FSHR: variants seen among roughly 807,000 people sequenced by gnomAD.
FSHR encodes the protein follicle stimulating hormone receptor, also known as follicle-stimulating hormone receptor.
Under a neutral mutation model 52.1 loss-of-function variants are expected in FSHR, and 46 were observed. That is an observed-to-expected ratio of 0.88 (90% confidence interval 0.70 to 1.13). FSHR has a LOEUF of 1.13. FSHR is among the 50% of genes most tolerant of loss of function. The pLI is 0.00. For synonymous variants in FSHR, 399 were observed against 309.6 expected, an observed-to-expected ratio of 1.29 and a Z score of -3.03; for missense variants, 964 against 834.6, an observed-to-expected ratio of 1.16 and a Z score of -1.91.
At chr2:49,130,758 G>T (rs1203346112) in intron 1 of FSHR, among the ~76,000 whole-genome samples, 1 of 152,122 alleles carries the variant, frequency 6.6e-6, no homozygotes, top group East Asian at 1.9e-4. Flanking sequence ...CAGTTGCTCT[G>T]AAATGTACTT....
Position 48,962,558 on chromosome 2 carries a change from A to G in FSHR, c.*175T>C. 3 of 633,324 alleles carry G rather than the reference A, an allele frequency of 4.7e-6. No individual in the cohort carries two copies. Among genetic ancestry groups the G allele is most frequent in the East Asian group, 5.5e-5 (2 of 36,262 alleles). The allele number at this position is 633,324 out of a possible 1,614,324, so 39.2% of individuals were successfully genotyped here. ...TTATTATTGTTGTTACTAATAATTC[A>G]GCTTCCTAATGTATCACATGGAATT... On this transcript the variant is annotated 3_prime_UTR_variant, in exon 10 of 10. Transcript: ENST00000406846.
chr2:49,043,735 T>G (rs1668561992), intron 2 of FSHR, among the ~76,000 whole-genome samples: 1 of 152,212 alleles, frequency 6.6e-6, no homozygotes, highest in Non-Finnish European at 1.5e-5. Flanking sequence ...TATTCCTGTT[T>G]GAACATTCAG....
chr2:49,053,446 T>A (rs1180751544), intron 2 of FSHR, among the ~76,000 whole-genome samples: 1 of 152,174 alleles, frequency 6.6e-6, no homozygotes, highest in Admixed American at 6.5e-5. Flanking sequence ...TTCAATGTAA[T>A]CTTCACACTT....
chr2:49,145,441 C>T (rs985651052), intron 1 of FSHR, among the ~76,000 whole-genome samples: 2 of 151,916 alleles, frequency 1.3e-5, no homozygotes, highest in Non-Finnish European at 2.9e-5. Context: ...CCTATATAGC[C>T]CCTGAAATCA....
rs565745010 is a variant in FSHR at position 48,989,045 on chromosome 2, T to C, written c.456A>G (p.Gln152=). The change falls in exon 6 of 10, where the codon CAA becomes CAG. Residue 152 remains glutamine, a synonymous_variant. Transcript: ENST00000406846. ...CAATTGTGTGGATGTTTATGTTATC[T>C]TGAATGTCACTAGAAGAAAGTACAG... The part of the protein sequence containing the change: ...HSLQKVLLDI[Q]DNINIHTIER... 1.2e-6 allele frequency: 2 copies of C among 1,613,064 alleles called. No individual in the cohort carries two copies. The highest frequency in any genetic ancestry group is 2.2e-5 in the South Asian group (2 of 91,004).
At chr2:48,966,224 G>A (rs1333709301) in intron 9 of FSHR, among the ~76,000 whole-genome samples, 1 of 152,170 alleles carries the variant, frequency 6.6e-6, no homozygotes, top group African/African-American at 2.4e-5. Context: ...GACAAATGAT[G>A]GTGGTTACTT....
At chr2:49,106,190 G>A (rs1480079381) in intron 1 of FSHR, among the ~76,000 whole-genome samples, 3 of 152,156 alleles carry the variant, frequency 2.0e-5, no homozygotes, top group Non-Finnish European at 2.9e-5. Flanking sequence ...TTTAAAAGGA[G>A]GCAAGCCTTA....
chr2:49,049,330 A>T (rs17038159), intron 2 of FSHR, among the ~76,000 whole-genome samples: 2,267 of 152,286 alleles, frequency 0.015, 45 homozygotes, highest in African/African-American at 0.047. Flanking sequence ...TAAAAGATAG[A>T]TAAGATGACC....
Position 49,020,167 on chromosome 2 carries a change from A to G in FSHR, c.225-7T>C. On this transcript the variant is annotated splice_region_variant and splice_polypyrimidine_tract_variant and intron_variant, in intron 2 of 9. Transcript: ENST00000406846. ...ATCATTCTGAGAGATCTCTCTGTGG[A>G]GAAAAAAATATATAAGTCAAGCCAG... 1 of 1,610,128 alleles carries G rather than the reference A, an allele frequency of 6.2e-7. No homozygotes were observed. Among genetic ancestry groups the G allele is most frequent in the Non-Finnish European group, 8.5e-7 (1 of 1,176,410 alleles).
chr2:48,988,921 G>T, intron 6 of FSHR, 56 bp downstream of exon 6: 1 of 1,430,090 alleles, frequency 7.0e-7, no homozygotes, highest in Non-Finnish European at 9.9e-7. Context: ...ATGAGAAAGA[G>T]ATCACTAAAT....
At position 49,046,140 on chromosome 2, in the gene FSHR, G is replaced by T. The variant is rs900395647; in HGVS notation, c.224+22079C>A. On this transcript the variant is annotated intron_variant, in intron 2 of 9. Coordinates refer to ENST00000406846, the MANE Select transcript of FSHR (RefSeq NM_000145.4). ...TTGTCCCAGCTGCTACTTAAAGGTT[G>T]GTGTGGGAGATTAATGAGCTAAGGG... Among the ~76,000 whole-genome samples the T allele has an allele frequency of 1.2e-4, 18 of 152,136 alleles. 1 individual carries two copies. The highest frequency in any genetic ancestry group is 2.6e-4 in the Non-Finnish European group (18 of 68,020).
intron 1 of FSHR, among the ~76,000 whole-genome samples, chr2:49,151,790 T>C (rs1322087520): frequency 6.6e-6 from 1 of 152,150 alleles, no homozygotes; most frequent in Non-Finnish European, 1.5e-5. Context: ...TCATCCCTGT[T>C]CTGCCATTTA....
intron 2 of FSHR, among the ~76,000 whole-genome samples, chr2:49,045,167 T>G (rs1572673739): frequency 6.6e-6 from 1 of 152,234 alleles, no homozygotes; most frequent in Non-Finnish European, 1.5e-5. Flanking sequence ...TCTAATTGTT[T>G]CCTGTGTATT....
intron 2 of FSHR, among the ~76,000 whole-genome samples, chr2:49,060,137 A>G (rs982038824): frequency 6.6e-6 from 1 of 152,204 alleles, no homozygotes. Context: ...ATGCAAATCA[A>G]ACCATAATGA....
chr2:49,124,476 G>A (rs892590255), intron 1 of FSHR, among the ~76,000 whole-genome samples: 1 of 151,890 alleles, frequency 6.6e-6, no homozygotes, highest in African/African-American at 2.4e-5. Flanking sequence ...CTAGTTTTAC[G>A]CCTATCTCAT....
intron 1 of FSHR, among the ~76,000 whole-genome samples, chr2:49,147,358 A>C (rs927492965): frequency 1.5e-4 from 23 of 152,098 alleles, no homozygotes; most frequent in African/African-American, 5.6e-4. Context: ...AGTATAGTCC[A>C]ATCAACCACA....
intron 2 of FSHR, among the ~76,000 whole-genome samples, chr2:49,064,726 C>A (rs938557250): frequency 1.3e-5 from 2 of 152,056 alleles, no homozygotes; most frequent in African/African-American, 4.8e-5. Flanking sequence ...TTCAGTACGA[C>A]GTTTCTACAT....
intron 4 of FSHR, among the ~76,000 whole-genome samples, chr2:49,014,065 A>C (rs1201854451): frequency 6.6e-6 from 1 of 152,134 alleles, no homozygotes; most frequent in Non-Finnish European, 1.5e-5. Flanking sequence ...TGGCATCCTG[A>C]TCTTGGGCTT....
intron 1 of FSHR, among the ~76,000 whole-genome samples, chr2:49,111,266 C>T (rs1419413352): frequency 6.6e-6 from 1 of 152,142 alleles, no homozygotes; most frequent in Non-Finnish European, 1.5e-5. Flanking sequence ...ACTGTTCTGC[C>T]TCCTGAGCTC....
Sources: gnomAD v4.1 joint callset for allele counts (sites outside exome capture counted in the v4.1 genomes callset) on GRCh38, gnomAD v4.1.1 for gene constraint, MANE v1.5 for transcripts, NCBI Gene and HGNC (gene_info 2026-07-23, HGNC 2026-07-21) for gene names.